Variants in MCTP2 observed in about 807,000 individuals in gnomAD.
MCTP2 encodes the protein multiple C2 and transmembrane domain-containing protein 2.
MCTP2 carries 132 observed loss-of-function variants against 111.6 expected under a neutral mutation model. The ratio of observed to expected loss-of-function variants is 1.18; its 90% confidence interval spans 1.03 to 1.37. The LOEUF (loss-of-function observed/expected upper bound fraction) is 1.37. MCTP2 is among the 40% of genes most tolerant of loss of function. The pLI, the probability that MCTP2 is intolerant of heterozygous loss-of-function variation, is 0.00. For synonymous variants in MCTP2, 395 were observed against 387.7 expected (o/e 1.02, Z -0.22); for missense variants, 1,183 against 1,067.9 (o/e 1.11, Z -1.50).
rs1474718796 is a variant in MCTP2, at chr15:94,356,166, T to C, written c.1035T>C (p.Ser345=). The change falls in exon 9 of 23, where the codon TCT becomes TCC. Residue 345 remains serine (S), a synonymous_variant. Transcript: ENST00000357742. ...KSSLIRNLRL[S]ESLKKNQLWN... is the part of the protein sequence containing the mutation. ...CTTTGATACGCAACCTACGGCTCTCTGAGTCCTTGAAAAAGAACCAACTCT... is the reference window on the plus strand; with the variant it reads ...CTTTGATACGCAACCTACGGCTCTCCGAGTCCTTGAAAAAGAACCAACTCT... 6.2e-7 allele frequency: 1 copy of C among 1,611,754 alleles called. No individual in the cohort carries two copies. The highest frequency in any genetic ancestry group is 2.2e-5 in the East Asian group (1 of 44,766).
chr15:94,257,975 C>T (rs1258275642), intron 1 of MCTP2, among the ~76,000 whole-genome samples: 1 of 150,750 alleles, frequency 6.6e-6, no homozygotes, highest in African/African-American at 2.4e-5. Flanking sequence ...ACCTCCATCT[C>T]CTGAGTTCAA....
chr15:94,290,412 A>T (rs2074979634), intron 1 of MCTP2, among the ~76,000 whole-genome samples: 1 of 152,238 alleles, frequency 6.6e-6, no homozygotes, highest in Admixed American at 6.5e-5. Flanking sequence ...CTGAAAGTTT[A>T]TACAGAGATA....
intron 1 of MCTP2, among the ~76,000 whole-genome samples, chr15:94,253,648 A>G (rs2072584210): frequency 6.6e-6 from 1 of 152,096 alleles, no homozygotes; most frequent in Admixed American, 6.6e-5. Context: ...GCCTCAGGAG[A>G]ATAAATGGGG....
intron 17 of MCTP2, among the ~76,000 whole-genome samples, chr15:94,437,836 A>G (rs1567706339): frequency 6.6e-6 from 1 of 152,076 alleles, no homozygotes; most frequent in Non-Finnish European, 1.5e-5. Flanking sequence ...GGAACTTGGT[A>G]TATTGACAGA....
At chr15:94,456,137 C>G (rs1296842911) in intron 19 of MCTP2, among the ~76,000 whole-genome samples, 1 of 152,110 alleles carries the variant, frequency 6.6e-6, no homozygotes, top group Non-Finnish European at 1.5e-5. Context: ...AAAGTATTAA[C>G]AAGTCCAGAT....
chr15:94,272,171 A>T (rs1334069197), intron 1 of MCTP2, among the ~76,000 whole-genome samples: 4 of 152,232 alleles, frequency 2.6e-5, no homozygotes, highest in Non-Finnish European at 5.9e-5. Flanking sequence ...TGAAGAAGTG[A>T]ATTGCCTTCT....
chr15:94,358,398 G>A, intron 9 of MCTP2, 84 bp from the exon 10 acceptor site: 1 of 1,305,002 alleles, frequency 7.7e-7, no homozygotes, highest in Non-Finnish European at 1.1e-6. Context: ...ACCCTCTGCA[G>A]TTTAATGATG....
intron 17 of MCTP2, among the ~76,000 whole-genome samples, chr15:94,432,991 A>G (rs2083274660): frequency 6.6e-6 from 1 of 152,220 alleles, no homozygotes; most frequent in Non-Finnish European, 1.5e-5. Flanking sequence ...CTTCATCACC[A>G]TTTCATCATG....
intron 2 of MCTP2, among the ~76,000 whole-genome samples, chr15:94,302,464 C>G (rs1182379519): frequency 6.6e-6 from 1 of 152,204 alleles, no homozygotes; most frequent in Non-Finnish European, 1.5e-5. Context: ...ATGTGAAAAA[C>G]AGGACAGGCA....
intron 19 of MCTP2, among the ~76,000 whole-genome samples, chr15:94,450,345 CGTGTGTGT>C (rs894783243): frequency 1.3e-5 from 2 of 152,006 alleles, no homozygotes; most frequent in South Asian, 2.1e-4. Context: ...TGTGTGTGTG[CGTGTGTGT>C]GTGCACGCGC....
intron 1 of MCTP2, among the ~76,000 whole-genome samples, chr15:94,244,744 A>G (rs1324761273): frequency 6.8e-6 from 1 of 148,070 alleles, no homozygotes; most frequent in African/African-American, 2.5e-5. Context: ...GTATACACAT[A>G]CATATGCACC....
chr15:94,413,208 G>C (rs148915603), intron 17 of MCTP2, among the ~76,000 whole-genome samples: 1 of 152,058 alleles, frequency 6.6e-6, no homozygotes, highest in East Asian at 1.9e-4. Flanking sequence ...GCTACTTCTT[G>C]GGGATTTTAA....
intron 19 of MCTP2, among the ~76,000 whole-genome samples, chr15:94,452,695 G>A (rs754707397): frequency 6.6e-5 from 10 of 151,982 alleles, no homozygotes; most frequent in Non-Finnish European, 1.3e-4. Context: ...GTTCAAGCAG[G>A]GTATAGCCAA....
chr15:94,400,647 G>A (rs1389176670), intron 16 of MCTP2, among the ~76,000 whole-genome samples: 2 of 145,362 alleles, frequency 1.4e-5, no homozygotes, highest in Non-Finnish European at 3.0e-5. Flanking sequence ...CTTTTTCAGA[G>A]TCCCTCCCTG....
In MCTP2 at chr15:94,385,469, G is replaced by A. The variant is rs2080405338; in HGVS notation, c.1732G>A (p.Glu578Lys). ...TGTTTTGGAAGTGACAGTGTTTGAT[G>A]AAGATGGAGATAAACCCCCAGATTT... ...HDVLEVTVFD[E>K]DGDKPPDFLG... Residue 578 changes from glutamate (E) to lysine (K), a missense_variant, in exon 14 of 23, where the codon GAA becomes AAA. Physicochemically the swap from Glu to Lys is moderately conservative, Grantham distance 56. Coordinates refer to ENST00000357742, the MANE Select transcript of MCTP2 (RefSeq NM_001385001.1). The A allele has an allele frequency of 6.2e-7, 1 of 1,613,540 alleles. No homozygotes were observed. The highest frequency in any genetic ancestry group is 1.1e-5 in the South Asian group (1 of 91,072).
At chr15:94,337,019 GTGTCATCTCATCATT>G (rs1410851603) in intron 4 of MCTP2, among the ~76,000 whole-genome samples, 1 of 151,988 alleles carries the variant, frequency 6.6e-6, no homozygotes, top group Non-Finnish European at 1.5e-5. Flanking sequence ...ACCCATTCAG[GTGTCATCTCATCATT>G]TGTATAATCT....
chr15:94,243,233 A>G (rs1389294181), intron 1 of MCTP2, among the ~76,000 whole-genome samples: 1 of 149,338 alleles, frequency 6.7e-6, no homozygotes, highest in African/African-American at 2.5e-5. Context: ...GTATGCGTAC[A>G]TACACATGCG....
chr15:94,462,509 G>A (rs2085277432), intron 20 of MCTP2, among the ~76,000 whole-genome samples: 1 of 152,202 alleles, frequency 6.6e-6, no homozygotes, highest in Non-Finnish European at 1.5e-5. Context: ...TATAGAAGAT[G>A]TTCTATGATA....
chr15:94,246,170 A>G (rs1376594899), intron 1 of MCTP2, among the ~76,000 whole-genome samples: 1 of 152,062 alleles, frequency 6.6e-6, no homozygotes, highest in Non-Finnish European at 1.5e-5. Context: ...TGCTACACAT[A>G]TTAGGAATGG....
Sources: gnomAD v4.1 joint callset for allele counts (sites outside exome capture counted in the v4.1 genomes callset) on GRCh38, gnomAD v4.1.1 for gene constraint, MANE v1.5 for transcripts, NCBI Gene and HGNC (gene_info 2026-07-23, HGNC 2026-07-21) for gene names.